Variants in BEND6 observed in about 807,000 individuals in gnomAD.
The protein encoded by BEND6 is BEN domain-containing protein 6.
In BEND6, 24 loss-of-function variants were observed where a neutral mutation model predicts 31.8. The ratio of observed to expected loss-of-function variants is 0.75; its 90% CI spans 0.55 to 1.06. The LOEUF (loss-of-function observed/expected upper bound fraction) is 1.06. Ranked by LOEUF, BEND6 falls within the 50% of genes least tolerant of loss-of-function variation. The probability of loss-of-function intolerance (pLI) is 0.00; values close to 1 mark genes in which losing one functional copy is unlikely to be tolerated. For missense variants in BEND6, 294 were observed against 327.4 expected (o/e 0.90, Z 0.79); for synonymous variants, 109 against 114.6 (o/e 0.95, Z 0.31).
intron 3 of BEND6, chr6:57,008,955 A>G (rs1827257147): frequency 6.6e-6 from 1 of 152,274 alleles, no homozygotes; most frequent in Admixed American, 6.5e-5. Flanking sequence ...ATTCATCCAT[A>G]AAACAGAATG....
At chr6:56,980,960 C>T (rs1826043931) in intron 1 of BEND6, among the ~76,000 whole-genome samples, 1 of 152,088 alleles carries the variant, frequency 6.6e-6, no homozygotes, top group African/African-American at 2.4e-5. Context: ...CATTTAACAT[C>T]ACTCACCACA....
At position 57,026,138 on chromosome 6, in the gene BEND6, G is replaced by A. The variant is rs1315429577; in HGVS notation, c.*66G>A. On this transcript the variant is annotated 3_prime_UTR_variant, in exon 7 of 7. Transcript: ENST00000370746. ...AATTCTAAATCTAGCACTGGATTTT[G>A]TTGGAGAATCTGCAGCCTTCCTGGC... 2.6e-5 allele frequency: 4 copies of A among 152,160 alleles called. No homozygotes were observed. The highest frequency in any genetic ancestry group is 5.9e-5 in the Non-Finnish European group (4 of 68,034). The allele number at this position is 152,160 out of a possible 1,614,324, so 9.4% of individuals were successfully genotyped here. A position where few individuals can be genotyped will look rare whatever the true frequency, so the allele number is the denominator to read the frequency against.
chr6:57,002,365 C>A (rs1394488846), intron 3 of BEND6, among the ~76,000 whole-genome samples: 1 of 152,064 alleles, frequency 6.6e-6, no homozygotes. Context: ...CAAAATGGAC[C>A]TAAGAGACAT....
At chr6:56,960,806 G>A (rs1825261698) in intron 1 of BEND6, among the ~76,000 whole-genome samples, 1 of 152,068 alleles carries the variant, frequency 6.6e-6, no homozygotes, top group Admixed American at 6.6e-5. Flanking sequence ...CTCAATGTAA[G>A]GACATCCCAT....
At chr6:56,989,297 T>C (rs554327531) in intron 2 of BEND6, among the ~76,000 whole-genome samples, 11 of 152,102 alleles carry the variant, frequency 7.2e-5, no homozygotes, top group Non-Finnish European at 1.3e-4. Context: ...TCATTTTGGC[T>C]ATAATTTATT....
rs1044254304 is a variant in BEND6 at position 57,026,117 on chromosome 6, C to T, written c.*45C>T. 3 of 152,176 alleles carry T rather than the reference C, an allele frequency of 2.0e-5. No individual in the cohort carries two copies. Among genetic ancestry groups the T allele is most frequent in the Admixed American group, 2.0e-4 (3 of 15,280 alleles). 9.4% of individuals were successfully genotyped at this position (152,176 alleles called of 1,614,324 possible). ...TATCTGAAACAAAGCACCTTCAATTCTAAATCTAGCACTGGATTTTGTTGG... is the reference window on the plus strand; with the variant it reads ...TATCTGAAACAAAGCACCTTCAATTTTAAATCTAGCACTGGATTTTGTTGG... On this transcript the variant is annotated 3_prime_UTR_variant, in exon 7 of 7. Transcript: ENST00000370746.
chr6:56,971,990 T>C (rs975688829), intron 1 of BEND6, among the ~76,000 whole-genome samples: 1 of 152,132 alleles, frequency 6.6e-6, no homozygotes, highest in Non-Finnish European at 1.5e-5. Flanking sequence ...TTTGTTTTAT[T>C]GCCTATGCCC....
intron 1 of BEND6, among the ~76,000 whole-genome samples, chr6:56,978,000 C>T (rs1258579612): frequency 3.3e-5 from 5 of 151,466 alleles, no homozygotes; most frequent in Non-Finnish European, 7.4e-5. Flanking sequence ...TATGGTGGCT[C>T]ATACCTGTAA....
intron 2 of BEND6, among the ~76,000 whole-genome samples, chr6:56,989,246 T>A (rs1197980013): frequency 6.6e-6 from 1 of 151,202 alleles, no homozygotes; most frequent in Non-Finnish European, 1.5e-5. Flanking sequence ...TGTTTACTTC[T>A]GGAACTTGCA....
chr6:57,011,892 G>A (rs888625375), intron 3 of BEND6, among the ~76,000 whole-genome samples: 1 of 152,050 alleles, frequency 6.6e-6, no homozygotes, highest in African/African-American at 2.4e-5. Context: ...TTGGGAGGCC[G>A]AGGTGGGCAG....
chr6:56,979,423 T>C (rs920939351), intron 1 of BEND6, among the ~76,000 whole-genome samples: 3 of 152,200 alleles, frequency 2.0e-5, no homozygotes, highest in African/African-American at 7.2e-5. Flanking sequence ...AAACGGTGAA[T>C]TTATATGTTG....
intron 1 of BEND6, among the ~76,000 whole-genome samples, chr6:56,956,951 A>C (rs1825105939): frequency 6.6e-6 from 1 of 152,238 alleles, no homozygotes; most frequent in Non-Finnish European, 1.5e-5. Flanking sequence ...GTGTGCAGAC[A>C]TTGGGGGAAA....
chr6:56,972,394 CACCGCATGTT>C (rs1165480270), intron 1 of BEND6, among the ~76,000 whole-genome samples: 1 of 152,034 alleles, frequency 6.6e-6, no homozygotes, highest in African/African-American at 2.4e-5. Flanking sequence ...CGGGCCCAGC[CACCGCATGTT>C]TCCTTATAAG....
intron 1 of BEND6, among the ~76,000 whole-genome samples, chr6:56,961,145 A>T (rs1232308162): frequency 2.6e-5 from 4 of 152,218 alleles, no homozygotes; most frequent in Non-Finnish European, 5.9e-5. Flanking sequence ...CATCAGAATC[A>T]TGCAAATCCA....
intron 1 of BEND6, among the ~76,000 whole-genome samples, chr6:56,957,707 A>G (rs760341598): frequency 1.3e-5 from 2 of 152,374 alleles, no homozygotes; most frequent in South Asian, 2.1e-4. Context: ...ATGAAAATTC[A>G]TAATGGAAAA....
intron 1 of BEND6, among the ~76,000 whole-genome samples, chr6:56,969,723 TG>T (rs1344306176): frequency 2.0e-5 from 3 of 151,960 alleles, no homozygotes; most frequent in African/African-American, 7.2e-5. Context: ...TCCTTAGGTT[TG>T]GTGACTTTGT....
intron 1 of BEND6, among the ~76,000 whole-genome samples, chr6:56,968,010 A>C (rs1825545939): frequency 6.6e-6 from 1 of 152,184 alleles, no homozygotes; most frequent in Non-Finnish European, 1.5e-5. Flanking sequence ...ATATTCAGTA[A>C]ATGTTAGCTA....
intron 2 of BEND6, among the ~76,000 whole-genome samples, chr6:56,985,665 C>A (rs142124889): frequency 1.1e-4 from 16 of 152,298 alleles, no homozygotes; most frequent in African/African-American, 3.6e-4. Flanking sequence ...CTTTAGCTGA[C>A]AACTATGAGC....
intron 3 of BEND6, among the ~76,000 whole-genome samples, chr6:57,003,071 G>A (rs1348957767): frequency 6.6e-6 from 1 of 152,118 alleles, no homozygotes; most frequent in East Asian, 1.9e-4. Flanking sequence ...AGACTATTAT[G>A]AACACCTCTA....
Sources: gnomAD v4.1 joint callset for allele counts (sites outside exome capture counted in the v4.1 genomes callset) on GRCh38, gnomAD v4.1.1 for gene constraint, MANE v1.5 for transcripts, NCBI Gene and HGNC (gene_info 2026-07-23, HGNC 2026-07-21) for gene names.